The following CRHBP variants were observed in gnomAD, a reference collection of about 807,000 sequenced individuals.
CRHBP encodes the protein corticotropin releasing hormone binding protein, also known as corticotropin-releasing hormone-binding protein.
In CRHBP, 19 loss-of-function variants were observed where a neutral mutation model predicts 34.9. The ratio of observed to expected loss-of-function variants is 0.55; its 90% CI spans 0.38 to 0.80. The LOEUF is 0.80. Ranked by LOEUF, CRHBP falls within the 30% of genes least tolerant of loss-of-function variation. The probability of loss-of-function intolerance (pLI) is 0.00; values close to 1 mark genes in which losing one functional copy is unlikely to be tolerated. For synonymous variants in CRHBP, 154 were observed against 153.4 expected, an observed-to-expected ratio of 1.00 and a Z score of -0.03; for missense variants, 328 against 409.2, an observed-to-expected ratio of 0.80 and a Z score of 1.71.
downstream of CRHBP, among the ~76,000 whole-genome samples, chr5:76,970,112 A>C (rs1745924957): frequency 6.6e-6 from 1 of 151,522 alleles, no homozygotes; most frequent in Admixed American, 6.6e-5. Context: ...TGCCTGGCTA[A>C]TTTTTGTATT....
Position 76,954,314 on chromosome 5 carries a change from T to G in CRHBP, c.333+128T>G, listed in dbSNP as rs931410179. 4 of 1,167,786 alleles carry G rather than the reference T, an allele frequency of 3.4e-6. No individual in the cohort carries two copies. The African/African-American group carries it at 6.2e-5, about 18-fold the overall frequency. The allele number at this position is 1,167,786 out of a possible 1,614,324, so 72.3% of individuals were successfully genotyped here. On this transcript the variant is annotated intron_variant, in intron 3 of 6. Transcript: ENST00000274368. ...CAGTGGCACTTCTTAGACACTTCGC[T>G]GGTGCCCGAGTCGGAGAGGCGCGTT...
At chr5:76,973,527 A>G (rs1745978222), downstream of CRHBP, among the ~76,000 whole-genome samples, 1 of 152,226 alleles carries the variant, frequency 6.6e-6, no homozygotes, top group South Asian at 2.1e-4. Flanking sequence ...GGATTCAGCA[A>G]TGGATGAAAG....
chr5:76,953,373 C>T lies in CRHBP; in HGVS notation c.81+158C>T, dbSNP rs146193419. The stretch of plus-strand genomic sequence containing the variant: ...GGTTTCCCCTATCCTGTTCTCCCTC[C>T]TTGCCTCTGAGCATCCCAGACTGCC... On this transcript the variant is annotated intron_variant, in intron 1 of 6. Coordinates refer to ENST00000274368, the MANE Select transcript of CRHBP (RefSeq NM_001882.4). 1.6e-3 allele frequency: 1,302 copies of T among 839,722 alleles called. 26 individuals are homozygous for T. The East Asian group carries it at 0.031, about 20-fold the overall frequency. 52.0% of individuals were successfully genotyped at this position (839,722 alleles called of 1,614,324 possible).
At chr5:76,965,692 A>G (rs979901282) in intron 6 of CRHBP, among the ~76,000 whole-genome samples, 6 of 152,224 alleles carry the variant, frequency 3.9e-5, no homozygotes, top group African/African-American at 1.4e-4. Context: ...AGGTGATTCT[A>G]AAGCCAGAAA....
chr5:76,957,312 T>G (rs535480491), intron 4 of CRHBP, among the ~76,000 whole-genome samples: 1 of 152,366 alleles, frequency 6.6e-6, no homozygotes, highest in East Asian at 1.9e-4. Context: ...CTGATCAATG[T>G]TGATTCATCC....
At chr5:76,968,599 A>G (rs1357628930) in intron 6 of CRHBP, 129 bp from the exon 7 acceptor site, 16 of 774,448 alleles carry the variant, frequency 2.1e-5, no homozygotes, top group Non-Finnish European at 3.2e-5. Context: ...TAGTAGATGC[A>G]TGGTTTGGGT....
rs1238366099 is a variant in CRHBP at position 76,969,104 on chromosome 5, A to G, written c.*219A>G. The stretch of plus-strand genomic sequence containing the variant: ...TCTGTAAATGAACACATGGCAGAAA[A>G]TAACCCCTGATTGGTAGGATCATAG... On this transcript the variant is annotated 3_prime_UTR_variant, in exon 7 of 7. Transcript: ENST00000274368. 1 of 440,770 alleles carries G rather than the reference A, an allele frequency of 2.3e-6. No homozygotes were observed. The highest frequency in any genetic ancestry group is 2.0e-5 in the African/African-American group (1 of 49,260). The allele number at this position is 440,770 out of a possible 1,614,324, so 27.3% of individuals were successfully genotyped here.
chr5:76,956,942 A>G (rs559823742), intron 4 of CRHBP, among the ~76,000 whole-genome samples: 2 of 152,310 alleles, frequency 1.3e-5, no homozygotes, highest in Non-Finnish European at 2.9e-5. Flanking sequence ...AAACAAAAGA[A>G]TTTTTGAAAA....
chr5:76,964,678 C>A (rs1745833879), intron 6 of CRHBP, among the ~76,000 whole-genome samples: 2 of 151,974 alleles, frequency 1.3e-5, no homozygotes, highest in African/African-American at 4.8e-5. Context: ...TATGGTGAAA[C>A]CCCCGTCTCT....
chr5:76,964,518 T>G (rs1478325819), intron 6 of CRHBP, among the ~76,000 whole-genome samples: 1 of 152,232 alleles, frequency 6.6e-6, no homozygotes, highest in African/African-American at 2.4e-5. Context: ...CCTTCTTAAC[T>G]GTGGGTTCCC....
chr5:76,979,393 C>G (rs959441331), intron 3 of CRHBP, among the ~76,000 whole-genome samples: 4 of 152,070 alleles, frequency 2.6e-5, no homozygotes, highest in African/African-American at 9.7e-5. Flanking sequence ...GCTTTGTCTC[C>G]AGGCTGGAGT....
intron 4 of CRHBP, among the ~76,000 whole-genome samples, chr5:76,956,563 A>G (rs1745671914): frequency 1.3e-5 from 2 of 152,130 alleles, no homozygotes; most frequent in South Asian, 4.1e-4. Flanking sequence ...GTGAAACCCC[A>G]TCTCTACTAA....
exon 3 of CRHBP, chr5:76,976,478 A>G (rs1389379341): frequency 1.3e-5 from 2 of 152,218 alleles, no homozygotes; most frequent in African/African-American, 4.8e-5. Flanking sequence ...TAGTCAACAG[A>G]ATGGAGAGGG....
At chr5:76,978,895 A>G (rs1023388687) in intron 3 of CRHBP, among the ~76,000 whole-genome samples, 1 of 152,266 alleles carries the variant, frequency 6.6e-6, no homozygotes, top group Admixed American at 6.5e-5. Context: ...AAGTTCTACT[A>G]TAGGTAAAAT....
intron 5 of CRHBP, chr5:76,963,138 T>C (rs1280193526): frequency 1.9e-6 from 1 of 531,482 alleles, no homozygotes; most frequent in African/African-American, 1.9e-5. Context: ...AAAAAATGAT[T>C]ACTCAACTGA....
intron 6 of CRHBP, among the ~76,000 whole-genome samples, chr5:76,967,200 C>T (rs867903240): frequency 6.6e-6 from 1 of 151,972 alleles, no homozygotes; most frequent in Admixed American, 6.6e-5. Flanking sequence ...CAAGATGGCA[C>T]CACTGCACTC....
chr5:76,977,833 G>T (rs374492433), intron 3 of CRHBP, among the ~76,000 whole-genome samples: 130 of 152,274 alleles, frequency 8.5e-4, no homozygotes, highest in African/African-American at 2.9e-3. Context: ...AAAGCTAAGC[G>T]TCTTATTCCA....
downstream of CRHBP, among the ~76,000 whole-genome samples, chr5:76,969,705 G>A (rs1329257970): frequency 6.6e-6 from 1 of 152,110 alleles, no homozygotes; most frequent in Non-Finnish European, 1.5e-5. Context: ...TTCATTTTCC[G>A]CTATCCTCAG....
intron 4 of CRHBP, among the ~76,000 whole-genome samples, chr5:76,957,003 G>A (rs1179253940): frequency 6.6e-6 from 1 of 152,052 alleles, no homozygotes; most frequent in East Asian, 1.9e-4. Context: ...AATTCTAGAA[G>A]ACAAAATAAA....
Sources: gnomAD v4.1 joint callset for allele counts (sites outside exome capture counted in the v4.1 genomes callset) on GRCh38, gnomAD v4.1.1 for gene constraint, MANE v1.5 for transcripts, NCBI Gene and HGNC (gene_info 2026-07-23, HGNC 2026-07-21) for gene names.